Variants in RNASEH1 observed in about 807,000 individuals in gnomAD.
RNASEH1 encodes ribonuclease H type II.
A neutral mutation model predicts 34.6 loss-of-function variants in RNASEH1; 27 were observed. The ratio of observed to expected loss-of-function variants is 0.78; its 90% CI spans 0.58 to 1.08. The LOEUF is 1.08. RNASEH1 is among the 50% of genes least tolerant of loss of function. RNASEH1 has a pLI of 0.00. For synonymous variants in RNASEH1, 162 were observed against 138.4 expected (o/e 1.17, Z -1.20); for missense variants, 349 against 373.6 (o/e 0.93, Z 0.54).
intron 6 of RNASEH1, among the ~76,000 whole-genome samples, 178 bp downstream of exon 6, chr2:3,548,462 T>C (rs150019451): frequency 2.0e-5 from 3 of 152,176 alleles, no homozygotes; most frequent in East Asian, 1.9e-4. Flanking sequence ...GAAATAAGCA[T>C]GTGGAAAACA....
At chr2:3,534,883 G>A in the RNASEH1 span, among the ~76,000 whole-genome samples, 1 of 152,342 alleles carries the variant, frequency 6.6e-6, no homozygotes, top group African/African-American at 2.4e-5. Context: ...GGACATTAGG[G>A]TCAGTGAAAT....
the RNASEH1 span, among the ~76,000 whole-genome samples, chr2:3,536,054 T>C: frequency 2.0e-5 from 3 of 152,144 alleles, no homozygotes; most frequent in African/African-American, 7.2e-5. Context: ...GGCGGTCGTG[T>C]GCTGCTCAGA....
At chr2:3,537,080 A>G (rs1016487181), downstream of RNASEH1, among the ~76,000 whole-genome samples, 4 of 152,214 alleles carry the variant, frequency 2.6e-5, no homozygotes, top group African/African-American at 4.8e-5. Context: ...ATTTTGGGGG[A>G]TCCATTCAGT....
At chr2:3,550,790 C>G (rs1392866796) in intron 3 of RNASEH1, among the ~76,000 whole-genome samples, 1 of 152,206 alleles carries the variant, frequency 6.6e-6, no homozygotes, top group Non-Finnish European at 1.5e-5. Flanking sequence ...ATGGCGCTGT[C>G]TCCACGGCAG....
Position 3,552,160 on chromosome 2 carries a change from G to C in RNASEH1, c.393C>G (p.Asp131Glu), listed in dbSNP as rs376577118. 8.7e-6 allele frequency: 14 copies of C among 1,609,362 alleles called. No individual in the cohort carries two copies. The highest frequency in any genetic ancestry group is 1.2e-5 in the Non-Finnish European group (14 of 1,179,118). ...SVEPAPPVSRDTFSYMGDFVV... is the reference protein window; with the variant it reads ...SVEPAPPVSRETFSYMGDFVV... The stretch of plus-strand genomic sequence containing the variant: ...AAGATGTACCCATGTAGGAAAACGT[G>C]TCTCTGCTAACTGGAGGCGCCGGCT... The change falls in exon 3 of 8, where the codon GAC becomes GAG. Residue 131 changes from aspartate to glutamate, a missense_variant. This residue lies in a region of RNASEH1 where 256 missense variants were observed against 240.7 expected (regional missense o/e 1.06). Coordinates refer to ENST00000315212, the MANE Select transcript of RNASEH1 (RefSeq NM_002936.6).
intron 2 of RNASEH1, among the ~76,000 whole-genome samples, chr2:3,555,152 C>A (rs769974934): frequency 6.6e-6 from 1 of 152,196 alleles, no homozygotes; most frequent in South Asian, 2.1e-4. Context: ...TCGCTGCCAT[C>A]CAGATGTCTG....
chr2:3,558,331 A>G lies in RNASEH1; in HGVS notation c.-71T>C, dbSNP rs1201803551. Reference sequence around the variant, plus strand: ...TGGGCGCGAGCCGCCGGCGCTCAACACCGCACTTCCGTCACCGGCGCGGGA... The same window carrying G: ...TGGGCGCGAGCCGCCGGCGCTCAACGCCGCACTTCCGTCACCGGCGCGGGA... On this transcript the variant is annotated 5_prime_UTR_variant, in exon 1 of 8. Transcript: ENST00000315212. The G allele has an allele frequency of 5.5e-6, 8 of 1,442,096 alleles. No homozygotes were observed. Among genetic ancestry groups the G allele is most frequent in the Non-Finnish European group, 7.3e-6 (8 of 1,099,100 alleles). The allele number at this position is 1,442,096 out of a possible 1,614,324, so 89.3% of individuals were successfully genotyped here. A position where few individuals can be genotyped will look rare whatever the true frequency, so the allele number is the denominator to read the frequency against.
chr2:3,548,002 C>T lies in RNASEH1; in HGVS notation c.703G>A (p.Gly235Arg). The T allele has an allele frequency of 6.2e-7, 1 of 1,613,896 alleles. No homozygotes were observed. Among genetic ancestry groups the T allele is most frequent in the Admixed American group, 1.7e-5 (1 of 60,018 alleles). ...WKKNGWKTSA[G>R]KEVINKEDFV... is the part of the protein sequence containing the mutation. The stretch of plus-strand genomic sequence containing the variant: ...TCCTCTTTGTTGATCACCTCTTTCC[C>T]TGCACTTGTCTTCCACCCATTTTTC... Residue 235 changes from glycine (G) to arginine (R), a missense_variant, in exon 7 of 8, where the codon GGG becomes AGG. By Grantham distance (125) the Gly-to-Arg change is moderately radical. Coordinates refer to ENST00000315212, the MANE Select transcript of RNASEH1 (RefSeq NM_002936.6).
At chr2:3,540,737 A>C (rs1017677248), downstream of RNASEH1, among the ~76,000 whole-genome samples, 1 of 151,756 alleles carries the variant, frequency 6.6e-6, no homozygotes, top group Non-Finnish European at 1.5e-5. Flanking sequence ...AATCCCACAG[A>C]CCGTAAAGTT....
At chr2:3,549,563 T>A (rs1669083019) in intron 4 of RNASEH1, among the ~76,000 whole-genome samples, 1 of 152,112 alleles carries the variant, frequency 6.6e-6, no homozygotes, top group South Asian at 2.1e-4. Flanking sequence ...ATGAGCAATT[T>A]TTGGGCCAGG....
At chr2:3,539,618 G>A (rs1167510032), downstream of RNASEH1, among the ~76,000 whole-genome samples, 1 of 152,020 alleles carries the variant, frequency 6.6e-6, no homozygotes, top group Non-Finnish European at 1.5e-5. Context: ...GAGTGTTTAC[G>A]AACTGAGGAA....
chr2:3,557,663 A>C, intron 1 of RNASEH1: 2 of 395,914 alleles, frequency 5.1e-6, no homozygotes, highest in Non-Finnish European at 1.0e-5. Context: ...AAGTGAGAAT[A>C]ATCCCTCTCA....
chr2:3,540,610 T>C (rs969093059), downstream of RNASEH1, among the ~76,000 whole-genome samples: 15 of 152,204 alleles, frequency 9.9e-5, no homozygotes, highest in African/African-American at 3.1e-4. Context: ...GGTTTTACCA[T>C]CTTGGTCAGC....
intron 3 of RNASEH1, among the ~76,000 whole-genome samples, chr2:3,550,837 C>T (rs893197136): frequency 6.6e-6 from 1 of 152,196 alleles, no homozygotes; most frequent in East Asian, 1.9e-4. Flanking sequence ...CCTCCAGAGA[C>T]GAGCAGCGCC....
At chr2:3,536,250 A>G in the RNASEH1 span, among the ~76,000 whole-genome samples, 3 of 152,242 alleles carry the variant, frequency 2.0e-5, no homozygotes, top group Non-Finnish European at 4.4e-5. Context: ...GGTGAGTCAC[A>G]TGTCATACAG....
chr2:3,552,379 T>C, intron 2 of RNASEH1, 71 bp from the exon 3 acceptor site: 1 of 1,425,590 alleles, frequency 7.0e-7, no homozygotes, highest in South Asian at 1.2e-5. Context: ...AATGAAGACA[T>C]TCAGTAAATT....
intron 1 of RNASEH1, chr2:3,557,765 T>A (rs1660658650): frequency 6.1e-6 from 5 of 819,428 alleles, no homozygotes; most frequent in Non-Finnish European, 9.2e-6. Flanking sequence ...TGAGTTCCAA[T>A]CCCAATTTAG....
chr2:3,532,439 C>A, the RNASEH1 span: 1 of 685,856 alleles, frequency 1.5e-6, no homozygotes, highest in South Asian at 1.5e-5. Context: ...CCCAAGGGGC[C>A]CCGTTACTCA....
Position 3,545,891 on chromosome 2 carries a change from C to T in RNASEH1, c.775-20G>A, listed in dbSNP as rs746890408. 33 of 1,570,216 alleles carry T rather than the reference C, an allele frequency of 2.1e-5. 1 individual carries two copies. In the South Asian group the frequency reaches 3.5e-4, roughly 17 times the overall value. ...ATGCATCTGTTAAGATAAATGTTTT[C>T]CTTTTATTTTTACTCATCTTTACAT... On this transcript the variant is annotated intron_variant, in intron 7 of 7. Transcript: ENST00000315212.
Sources: gnomAD v4.1 joint callset for allele counts (sites outside exome capture counted in the v4.1 genomes callset) on GRCh38, gnomAD v4.1.1 for gene constraint, gnomAD v4.1.1 regional missense constraint, MANE v1.5 for transcripts, NCBI Gene and HGNC (gene_info 2026-07-23, HGNC 2026-07-21) for gene names.